Variants in CCR5AS observed in about 807,000 individuals in gnomAD.
CCR5AS encodes CCR5 antisense RNA.
intron 1 of CCR5AS, among the ~76,000 whole-genome samples, chr3:46,396,769 G>A (rs1206872835): frequency 2.0e-5 from 3 of 152,148 alleles, no homozygotes; most frequent in Non-Finnish European, 2.9e-5. Context: ...TTCTCCCTCT[G>A]CCTGGTCCTG....
chr3:46,391,008 G>A (rs554745178), intron 2 of CCR5AS, among the ~76,000 whole-genome samples: 2 of 152,256 alleles, frequency 1.3e-5, no homozygotes, highest in African/African-American at 4.8e-5. Flanking sequence ...CTTCTGAGGT[G>A]ATCAGGCAGT....
At chr3:46,398,568 G>T (rs1287617708) in intron 1 of CCR5AS, among the ~76,000 whole-genome samples, 1 of 152,138 alleles carries the variant, frequency 6.6e-6, no homozygotes. Context: ...ATATACAAGG[G>T]TGTCTTACTC....
rs1701957416 is a variant in CCR5AS at position 46,395,810 on chromosome 3, C to T, written n.164-2758G>A. The stretch of plus-strand genomic sequence containing the variant: ...TCTCCTGAGAGGACAGGACCAGCCT[C>T]TGAAGTTGAAGGTCCTGGTTTACCA... On this transcript the variant is annotated intron_variant and non_coding_transcript_variant, in intron 1 of 3. Coordinates refer to ENST00000451485, the Ensembl canonical transcript of CCR5AS. Among the ~76,000 whole-genome samples the T allele has an allele frequency of 2.0e-5, 3 of 152,312 alleles. No homozygotes were observed. The South Asian group carries it at 6.2e-4, about 32-fold the overall frequency.
intron 2 of CCR5AS, among the ~76,000 whole-genome samples, chr3:46,389,752 G>A (rs1296170879): frequency 1.3e-5 from 2 of 152,174 alleles, no homozygotes; most frequent in Non-Finnish European, 2.9e-5. Context: ...AAAGTGGTTT[G>A]ATTAGGATAG....
chr3:46,378,476 T>A (rs1238672119), intron 2 of CCR5AS, among the ~76,000 whole-genome samples: 5 of 152,220 alleles, frequency 3.3e-5, no homozygotes, highest in Non-Finnish European at 7.3e-5. Flanking sequence ...CTAGTTTTTT[T>A]AAAGCATTCA....
chr3:46,373,824 C>T (rs1457285516), intron 2 of CCR5AS: 1 of 1,614,110 alleles, frequency 6.2e-7, no homozygotes, highest in South Asian at 1.1e-5. Flanking sequence ...CAGAAACTAC[C>T]TCTTAGTCTT....
At chr3:46,396,527 G>A (rs188001588) in intron 1 of CCR5AS, among the ~76,000 whole-genome samples, 6 of 152,278 alleles carry the variant, frequency 3.9e-5, no homozygotes, top group African/African-American at 1.4e-4. Flanking sequence ...CCCTTTTCAA[G>A]CCAATGCATC....
At chr3:46,393,182 G>A (rs529869234) in intron 1 of CCR5AS, 7 of 152,306 alleles carry the variant, frequency 4.6e-5, no homozygotes, top group Admixed American at 4.6e-4. Context: ...GGTGCTCGGT[G>A]GGGAGTTCCT....
chr3:46,404,025 T>C (rs1253195459), intron 1 of CCR5AS, among the ~76,000 whole-genome samples: 2 of 152,144 alleles, frequency 1.3e-5, no homozygotes, highest in East Asian at 3.8e-4. Flanking sequence ...AGCTCTAGAC[T>C]CACAAAGCAG....
chr3:46,403,478 G>T (rs138005429), intron 1 of CCR5AS, among the ~76,000 whole-genome samples: 6 of 152,318 alleles, frequency 3.9e-5, no homozygotes, highest in Admixed American at 1.3e-4. Context: ...ACTAAAGGGG[G>T]TAAGGAGAAT....
intron 2 of CCR5AS, among the ~76,000 whole-genome samples, chr3:46,389,497 G>T (rs113456258): frequency 7.2e-5 from 11 of 152,152 alleles, no homozygotes; most frequent in African/African-American, 2.4e-4. Flanking sequence ...GCAGCCTGGC[G>T]AATTTCCTGT....
intron 2 of CCR5AS, chr3:46,375,062 A>G (rs1701734200): frequency 6.0e-6 from 1 of 167,342 alleles, no homozygotes; most frequent in African/African-American, 2.4e-5. Context: ...GACATCAAGC[A>G]CAGAAGGAGG....
At chr3:46,373,857 C>A (rs374959868) in intron 2 of CCR5AS, 1 of 1,613,974 alleles carries the variant, frequency 6.2e-7, no homozygotes, top group South Asian at 1.1e-5. Flanking sequence ...CATTGCCAAA[C>A]GCTTCTGCAA....
At chr3:46,401,256 G>A (rs1702003776) in intron 1 of CCR5AS, among the ~76,000 whole-genome samples, 1 of 152,218 alleles carries the variant, frequency 6.6e-6, no homozygotes, top group Admixed American at 6.5e-5. Context: ...TAAGAAGAAA[G>A]GGATCGAAAT....
intron 1 of CCR5AS, among the ~76,000 whole-genome samples, chr3:46,399,486 T>C (rs743661): frequency 0.31 from 47,564 of 152,038 alleles, 9,354 homozygotes; most frequent in African/African-American, 0.56. Context: ...GTAAATGGTC[T>C]GACCAATGTT....
intron 2 of CCR5AS, among the ~76,000 whole-genome samples, chr3:46,371,857 A>G (rs1701664929): frequency 6.6e-6 from 1 of 152,186 alleles, no homozygotes; most frequent in African/African-American, 2.4e-5. Context: ...GGACTTGGGC[A>G]CCCGGCCATT....
Position 46,380,986 on chromosome 3 carries a change from C to T in CCR5AS, n.392-9569G>A, listed in dbSNP as rs150152608. 3.9e-5 allele frequency among the ~76,000 whole-genome samples: 6 copies of T among 152,258 alleles called. No homozygotes were observed. The South Asian group carries it at 6.2e-4, about 16-fold the overall frequency. ...CCAGGAAGAGTCTCAACTTTCATAA[C>T]AGAACATTCCCCAAGCTGGTTTTTT... On this transcript the variant is annotated intron_variant and non_coding_transcript_variant, in intron 2 of 3. Coordinates refer to ENST00000451485, the Ensembl canonical transcript of CCR5AS.
intron 2 of CCR5AS, chr3:46,373,950 G>T: frequency 1.9e-6 from 3 of 1,560,864 alleles, no homozygotes; most frequent in Non-Finnish European, 2.6e-6. Flanking sequence ...GGAAATATCT[G>T]TGGGCTTGTG....
intron 3 of CCR5AS, among the ~76,000 whole-genome samples, chr3:46,366,180 C>A (rs2106734386): frequency 6.6e-6 from 1 of 152,256 alleles, no homozygotes; most frequent in East Asian, 1.9e-4. Context: ...TTCTAGTAAG[C>A]CCTGGGAGAG....
Sources: gnomAD v4.1 joint callset for allele counts (sites outside exome capture counted in the v4.1 genomes callset) on GRCh38, gnomAD v4.1.1 for gene constraint, MANE v1.5 for transcripts, NCBI Gene and HGNC (gene_info 2026-07-23, HGNC 2026-07-21) for gene names.